The following NOX4 variants were observed in gnomAD, a reference collection of about 807,000 sequenced individuals.
The protein encoded by NOX4 is NADPH oxidase 4.
Under a neutral mutation model 87.6 loss-of-function variants are expected in NOX4, and 69 were observed. The ratio of observed to expected loss-of-function variants is 0.79; its 90% confidence interval spans 0.65 to 0.96. The LOEUF (loss-of-function observed/expected upper bound fraction) is 0.96, where lower values mean the gene tolerates loss of function less well. NOX4 is among the 40% of genes least tolerant of loss of function. The pLI is 0.00. For missense variants in NOX4, 680 were observed against 681.5 expected, an observed-to-expected ratio of 1.00 and a Z score of 0.02; for synonymous variants, 275 against 238.2, an observed-to-expected ratio of 1.15 and a Z score of -1.42.
intron 12 of NOX4, among the ~76,000 whole-genome samples, chr11:89,359,960 AT>A (rs1168792874): frequency 1.3e-5 from 2 of 151,898 alleles, no homozygotes; most frequent in Admixed American, 6.6e-5. Flanking sequence ...GCCAGTTTTA[AT>A]TTTTTTTAAA....
At chr11:89,462,026 G>A (rs80041509) in intron 2 of NOX4, among the ~76,000 whole-genome samples, 2 of 151,918 alleles carry the variant, frequency 1.3e-5, no homozygotes, top group African/African-American at 4.8e-5. Flanking sequence ...AAGAAAGGAA[G>A]CAAGGGAGGG....
intron 8 of NOX4, among the ~76,000 whole-genome samples, chr11:89,407,706 AATAAT>A (rs1942263062): frequency 6.6e-6 from 1 of 152,142 alleles, no homozygotes; most frequent in Admixed American, 6.5e-5. Flanking sequence ...AGTCTTATAA[AATAAT>A]ATAATACATT....
At chr11:89,337,254 G>A (rs1945756329) in intron 16 of NOX4, among the ~76,000 whole-genome samples, 193 bp downstream of exon 16, 1 of 152,036 alleles carries the variant, frequency 6.6e-6, no homozygotes, top group Non-Finnish European at 1.5e-5. Context: ...CTCCCTGTGA[G>A]AAGGACAAAT....
At chr11:89,434,126 T>C (rs1943961735) in intron 6 of NOX4, among the ~76,000 whole-genome samples, 2 of 152,076 alleles carry the variant, frequency 1.3e-5, no homozygotes, top group Non-Finnish European at 2.9e-5. Flanking sequence ...TGTCATAGAC[T>C]ATGAGCCACC....
chr11:89,475,371 T>C (rs558663214), intron 2 of NOX4, among the ~76,000 whole-genome samples: 2 of 152,034 alleles, frequency 1.3e-5, no homozygotes, highest in Non-Finnish European at 2.9e-5. Context: ...GTCTTAAAAA[T>C]ACAATTTGAA....
At chr11:89,566,532 T>C in the NOX4 span, among the ~76,000 whole-genome samples, 1 of 152,186 alleles carries the variant, frequency 6.6e-6, no homozygotes, top group Non-Finnish European at 1.5e-5. Context: ...GTAGGACTTA[T>C]CAGTGAAGTC....
chr11:89,513,081 G>A, the NOX4 span, among the ~76,000 whole-genome samples: 1 of 152,076 alleles, frequency 6.6e-6, no homozygotes, highest in Non-Finnish European at 1.5e-5. Flanking sequence ...AGCAATTTGG[G>A]AGGCTGAGGC....
chr11:89,514,633 G>A, the NOX4 span, among the ~76,000 whole-genome samples: 229 of 151,940 alleles, frequency 1.5e-3, 1 homozygote, highest in African/African-American at 5.3e-3. Context: ...TTTTTCATAG[G>A]TGCCCTTAAG....
chr11:89,422,215 C>T (rs537990691), intron 7 of NOX4, among the ~76,000 whole-genome samples: 4 of 152,108 alleles, frequency 2.6e-5, no homozygotes, highest in African/African-American at 9.6e-5. Context: ...AATAAAGACA[C>T]ATGGAAATAA....
At chr11:89,471,309 G>T (rs1273607973) in intron 2 of NOX4, among the ~76,000 whole-genome samples, 1 of 152,118 alleles carries the variant, frequency 6.6e-6, no homozygotes. Flanking sequence ...CCTCAAAAAT[G>T]CATGGTTATT....
At chr11:89,490,165 T>C (rs1173510627) in intron 2 of NOX4, among the ~76,000 whole-genome samples, 1 of 152,242 alleles carries the variant, frequency 6.6e-6, no homozygotes, top group Non-Finnish European at 1.5e-5. Context: ...TCCTTCAGGG[T>C]ACTTAGCAGC....
chr11:89,495,816 A>G (rs1420530092), upstream of NOX4, among the ~76,000 whole-genome samples: 1 of 152,158 alleles, frequency 6.6e-6, no homozygotes, highest in East Asian at 1.9e-4. Flanking sequence ...TTTCTTAACC[A>G]TTGTAATTTG....
At chr11:89,530,578 T>A in the NOX4 span, among the ~76,000 whole-genome samples, 70 of 151,154 alleles carry the variant, frequency 4.6e-4, no homozygotes, top group African/African-American at 1.6e-3. Flanking sequence ...GGTCTTGAAC[T>A]CCTGACCTCA....
At chr11:89,508,342 A>G in the NOX4 span, among the ~76,000 whole-genome samples, 1 of 152,106 alleles carries the variant, frequency 6.6e-6, no homozygotes, top group Admixed American at 6.6e-5. Context: ...CTGTGGCCAG[A>G]CAGCCCAGGT....
chr11:89,417,725 A>G (rs890236351), intron 8 of NOX4, among the ~76,000 whole-genome samples: 11 of 152,098 alleles, frequency 7.2e-5, no homozygotes, highest in African/African-American at 2.2e-4. Flanking sequence ...TTACAAAGCT[A>G]TAAGTATTGG....
chr11:89,367,135 A>C (rs1414085235), intron 12 of NOX4, among the ~76,000 whole-genome samples: 4 of 152,154 alleles, frequency 2.6e-5, no homozygotes, highest in African/African-American at 7.2e-5. Context: ...AATGATTTCC[A>C]CATAGACTCA....
the NOX4 span, among the ~76,000 whole-genome samples, chr11:89,509,816 G>C: frequency 6.7e-3 from 1,022 of 152,032 alleles, 1 homozygote; most frequent in Non-Finnish European, 0.01. Context: ...CGATGTGTCC[G>C]TGTCCACTGA....
At chr11:89,389,634 A>C (rs1265198428) in intron 11 of NOX4, among the ~76,000 whole-genome samples, 2 of 152,166 alleles carry the variant, frequency 1.3e-5, no homozygotes, top group Non-Finnish European at 1.5e-5. Context: ...CTTTCAATAA[A>C]CCTCAGTTCG....
chr11:89,350,906 T>C (rs1296458246), intron 13 of NOX4, among the ~76,000 whole-genome samples: 2 of 152,148 alleles, frequency 1.3e-5, no homozygotes, highest in Admixed American at 6.5e-5. Flanking sequence ...AATTAACAAC[T>C]CTAAAATGGC....
Sources: allele counts gnomAD v4.1 joint callset (sites outside exome capture counted in the v4.1 genomes callset), GRCh38; gene constraint gnomAD v4.1.1; transcripts MANE v1.5; gene names NCBI Gene and HGNC (gene_info 2026-07-23, HGNC 2026-07-21).